Variants in PRKRA observed in about 807,000 individuals in gnomAD.
PRKRA encodes the protein protein activator of interferon induced protein kinase EIF2AK2.
PRKRA carries 22 observed loss-of-function variants against 32.4 expected under a neutral mutation model. That is an observed-to-expected ratio of 0.68 (90% CI 0.49 to 0.97). The LOEUF (loss-of-function observed/expected upper bound fraction) is 0.97. PRKRA is among the 50% of genes least tolerant of loss of function. PRKRA has a pLI of 0.00. For synonymous variants in PRKRA, 139 were observed against 129.8 expected, an observed-to-expected ratio of 1.07 and a Z score of -0.48; for missense variants, 319 against 375.6, an observed-to-expected ratio of 0.85 and a Z score of 1.25.
chr2:178,451,129 A>ACCTCCTCCGACTCCCCCG lies in PRKRA; in HGVS notation c.-117_-100dup, dbSNP rs1324475679. The ACCTCCTCCGACTCCCCCG allele has an allele frequency of 4.1e-5, 55 of 1,345,004 alleles. No homozygotes were observed. The highest frequency in any genetic ancestry group is 3.5e-4 in the East Asian group (13 of 37,004). 83.3% of individuals were successfully genotyped at this position (1,345,004 alleles called of 1,614,324 possible). A position where few individuals can be genotyped will look rare whatever the true frequency, so the allele number is the denominator to read the frequency against. On this transcript the variant is annotated 5_prime_UTR_variant, in exon 1 of 8. Coordinates refer to ENST00000325748, the MANE Select transcript of PRKRA (RefSeq NM_003690.5). ...CCCCGGGAGGAGCTCCAGCGCCGCC[A>ACCTCCTCCGACTCCCCCG]CCTCCTCCGACTCCCCCGCCTCCTG...
chr2:178,450,727 G>C lies in PRKRA; in HGVS notation c.65+239C>G, dbSNP rs937421341. ...AACCTGACGATCCCTTCCCGGGCGC[G>C]CCGACCGAGCGTCACCTCCGCCCGC... is the stretch of plus-strand genomic sequence containing the variant. On this transcript the variant is annotated intron_variant, in intron 1 of 7. Coordinates refer to ENST00000325748, the MANE Select transcript of PRKRA (RefSeq NM_003690.5). 3 of 1,369,972 alleles carry C rather than the reference G, an allele frequency of 2.2e-6. 1 individual carries two copies. The highest frequency in any genetic ancestry group is 6.8e-5 in the Admixed American group (2 of 29,624). The allele number at this position is 1,369,972 out of a possible 1,614,324, so 84.9% of individuals were successfully genotyped here.
intron 7 of PRKRA, among the ~76,000 whole-genome samples, chr2:178,435,190 C>T (rs1255011701): frequency 6.6e-6 from 1 of 151,462 alleles, no homozygotes; most frequent in Admixed American, 6.6e-5. Context: ...GCACTCCAAC[C>T]AGGGCAACAG....
In PRKRA at chr2:178,441,597, C is replaced by G; in HGVS notation, c.609+13G>C. ...TTAATGACATTAACATCATAGCTGTCAACATTACTCACTAAAGAAATGTGG... is the reference window on the plus strand; with the variant it reads ...TTAATGACATTAACATCATAGCTGTGAACATTACTCACTAAAGAAATGTGG... On this transcript the variant is annotated intron_variant, in intron 6 of 7. Coordinates refer to ENST00000325748, the MANE Select transcript of PRKRA (RefSeq NM_003690.5). 3.9e-6 allele frequency: 6 copies of G among 1,557,418 alleles called. No individual in the cohort carries two copies. The highest frequency in any genetic ancestry group is 5.3e-6 in the Non-Finnish European group (6 of 1,129,098).
chr2:178,449,388 A>T (rs1428481044), intron 2 of PRKRA, among the ~76,000 whole-genome samples: 4 of 152,358 alleles, frequency 2.6e-5, no homozygotes, highest in Non-Finnish European at 4.4e-5. Flanking sequence ...GGACACAAAC[A>T]AATGCTGTCT....
chr2:178,444,507 AT>A lies in PRKRA; in HGVS notation c.318-8del. ...GGGGTCAGGAACTGCAAAGCTAAAT[AT>A]TTTTTAAAAGTGTTATAAAACAAAA... On this transcript the variant is annotated splice_region_variant and splice_polypyrimidine_tract_variant and intron_variant, in intron 3 of 7. Coordinates refer to ENST00000325748, the MANE Select transcript of PRKRA (RefSeq NM_003690.5). The A allele has an allele frequency of 1.3e-6, 1 of 745,744 alleles. No individual in the cohort carries two copies. Among genetic ancestry groups the A allele is most frequent in the African/African-American group, 2.0e-5 (1 of 50,254 alleles). 46.2% of individuals were successfully genotyped at this position (745,744 alleles called of 1,614,324 possible). A position where few individuals can be genotyped will look rare whatever the true frequency, so the allele number is the denominator to read the frequency against.
chr2:178,436,975 G>A (rs1461626662), intron 6 of PRKRA, among the ~76,000 whole-genome samples: 1 of 151,712 alleles, frequency 6.6e-6, no homozygotes, highest in Non-Finnish European at 1.5e-5. Context: ...TCCTTAGAAT[G>A]CCTTATATTT....
chr2:178,442,981 G>GT (rs878987181), intron 5 of PRKRA, among the ~76,000 whole-genome samples: 1 of 152,054 alleles, frequency 6.6e-6, no homozygotes, highest in South Asian at 2.1e-4. Context: ...CCAAATTGAG[G>GT]TTTTTTAAGT....
At chr2:178,434,676 C>G (rs1376474565) in intron 7 of PRKRA, among the ~76,000 whole-genome samples, 1 of 152,076 alleles carries the variant, frequency 6.6e-6, no homozygotes, top group Non-Finnish European at 1.5e-5. Flanking sequence ...TGCACTTCAC[C>G]CGTCCTTCAA....
intron 6 of PRKRA, among the ~76,000 whole-genome samples, chr2:178,438,343 T>C (rs1283814837): frequency 6.6e-6 from 1 of 152,194 alleles, no homozygotes; most frequent in Non-Finnish European, 1.5e-5. Context: ...CAAATATATA[T>C]ATATAGCCCC....
rs778964485 is a variant in PRKRA, at chr2:178,440,642, A to AT, written c.609+967dup. On this transcript the variant is annotated intron_variant, in intron 6 of 7. Transcript: ENST00000325748. ...ATGCCCCTTTACCTCAGTTTTCTAA[A>AT]TAACTTTAAAATCTACCCATCTCTC... is the stretch of plus-strand genomic sequence containing the variant. Among the ~76,000 whole-genome samples, 3 of 152,230 alleles carry AT rather than the reference A, an allele frequency of 2.0e-5. No homozygotes were observed. The East Asian group carries it at 5.8e-4, about 29-fold the overall frequency.
chr2:178,450,659 C>T (rs377658207), intron 1 of PRKRA: 2 of 1,437,984 alleles, frequency 1.4e-6, no homozygotes, highest in Non-Finnish European at 1.8e-6. Context: ...GAGAGATTCT[C>T]AACAGAACAG....
Position 178,450,055 on chromosome 2 carries a change from G to A in PRKRA, c.235+187C>T, listed in dbSNP as rs930400098. On this transcript the variant is annotated intron_variant, in intron 2 of 7. Transcript: ENST00000325748. The stretch of plus-strand genomic sequence containing the variant: ...TTTCTAAGCTTCCTTGGTATGTGGG[G>A]AAGAGAAAATTAGGAAGAGAATCAG... 7 of 797,070 alleles carry A rather than the reference G, an allele frequency of 8.8e-6. No individual in the cohort carries two copies. The African/African-American group carries it at 1.0e-4, about 12-fold the overall frequency. 49.4% of individuals were successfully genotyped at this position (797,070 alleles called of 1,614,324 possible).
intron 3 of PRKRA, among the ~76,000 whole-genome samples, chr2:178,446,963 AGACTGGGC>A (rs1697336050): frequency 6.9e-6 from 1 of 144,874 alleles, no homozygotes. Context: ...ACTGCACTCC[AGACTGGGC>A]GACAGAGCGA....
chr2:178,451,077 G>T lies in PRKRA; in HGVS notation c.-47C>A. ...GGCTGGAGGAAGAGCGGTGCGGAGC[G>T]ACGTGCTCGCTCCCCGGGTCGCTGG... is the stretch of plus-strand genomic sequence containing the variant. On this transcript the variant is annotated 5_prime_UTR_variant, in exon 1 of 8. Coordinates refer to ENST00000325748, the MANE Select transcript of PRKRA (RefSeq NM_003690.5). The T allele has an allele frequency of 6.5e-7, 1 of 1,534,680 alleles. No individual in the cohort carries two copies.
chr2:178,441,322 T>C (rs1032351181), intron 6 of PRKRA, among the ~76,000 whole-genome samples: 1 of 152,170 alleles, frequency 6.6e-6, no homozygotes, highest in Admixed American at 6.5e-5. Flanking sequence ...GGGATGGAAA[T>C]GCGCTGTCAC....
chr2:178,442,556 C>G (rs977328095), intron 5 of PRKRA, among the ~76,000 whole-genome samples: 1 of 152,158 alleles, frequency 6.6e-6, no homozygotes, highest in Non-Finnish European at 1.5e-5. Flanking sequence ...CTTAACTTCG[C>G]GAATCAAGGA....
rs535753194 is a variant in PRKRA, at chr2:178,447,281, C to T, written c.317+224G>A. The T allele has an allele frequency of 1.2e-4, 63 of 529,684 alleles. No homozygotes were observed. The South Asian group carries it at 1.5e-3, about 13-fold the overall frequency. 32.8% of individuals were successfully genotyped at this position (529,684 alleles called of 1,614,324 possible). A position where few individuals can be genotyped will look rare whatever the true frequency, so the allele number is the denominator to read the frequency against. On this transcript the variant is annotated intron_variant, in intron 3 of 7. Transcript: ENST00000325748. ...TTGTATCCCATTAAAAAAAAAAAAA[C>T]AGTAAAGCCTAGTTCATGAGCACCT...
intron 6 of PRKRA, among the ~76,000 whole-genome samples, chr2:178,437,031 A>G (rs1368466956): frequency 6.6e-6 from 1 of 152,132 alleles, no homozygotes. Context: ...TGCCATTAAT[A>G]AAAACAACTA....
chr2:178,436,725 T>G (rs1177500898), intron 6 of PRKRA, among the ~76,000 whole-genome samples: 1 of 151,374 alleles, frequency 6.6e-6, no homozygotes, highest in Admixed American at 6.6e-5. Flanking sequence ...TTTTTTGTAT[T>G]AAATACCAAT....
Sources: gnomAD v4.1 joint callset for allele counts (sites outside exome capture counted in the v4.1 genomes callset) on GRCh38, gnomAD v4.1.1 for gene constraint, MANE v1.5 for transcripts, NCBI Gene and HGNC (gene_info 2026-07-23, HGNC 2026-07-21) for gene names.